Variants in KHDRBS2 observed in about 807,000 individuals in gnomAD.
The protein encoded by KHDRBS2 is KH domain-containing, RNA-binding, signal transduction-associated protein 2.
In KHDRBS2, 26 loss-of-function variants were observed where a neutral mutation model predicts 44.3. The ratio of observed to expected loss-of-function variants is 0.59; its 90% CI spans 0.43 to 0.81. The LOEUF (loss-of-function observed/expected upper bound fraction) is 0.81, where lower values mean the gene tolerates loss of function less well. Among genes scored for constraint, KHDRBS2 ranks in the 40% least tolerant of loss-of-function variants. The pLI is 0.00. For missense variants in KHDRBS2, 476 were observed against 433.1 expected, an observed-to-expected ratio of 1.10 and a Z score of -0.88; for synonymous variants, 194 against 151.1, an observed-to-expected ratio of 1.28 and a Z score of -2.08.
intron 3 of KHDRBS2, among the ~76,000 whole-genome samples, chr6:62,047,237 C>G (rs1042449269): frequency 2.0e-5 from 3 of 151,848 alleles, no homozygotes; most frequent in Admixed American, 6.6e-5. Flanking sequence ...GTCATTTCTC[C>G]CAAACACTGA....
At chr6:62,022,313 C>A (rs1339029399) in intron 3 of KHDRBS2, among the ~76,000 whole-genome samples, 1 of 151,476 alleles carries the variant, frequency 6.6e-6, no homozygotes, top group Non-Finnish European at 1.5e-5. Context: ...AATGTTTAGC[C>A]AATTGCATTG....
chr6:61,612,601 T>A, the KHDRBS2 span, among the ~76,000 whole-genome samples: 1 of 152,212 alleles, frequency 6.6e-6, no homozygotes, highest in African/African-American at 2.4e-5. Context: ...TAAATGACAG[T>A]GGCATTATCT....
intron 6 of KHDRBS2, among the ~76,000 whole-genome samples, chr6:61,774,608 C>A (rs1781616926): frequency 6.6e-6 from 1 of 152,124 alleles, no homozygotes; most frequent in African/African-American, 2.4e-5. Flanking sequence ...AGTTGAATCT[C>A]TGAATAGACC....
At chr6:61,816,890 C>T (rs1933491721) in intron 6 of KHDRBS2, 4 of 452,862 alleles carry the variant, frequency 8.8e-6, no homozygotes, top group Non-Finnish European at 1.8e-5. Context: ...TACACTTTTA[C>T]AATTTATGCA....
At chr6:61,932,426 C>G (rs1049915102) in intron 4 of KHDRBS2, among the ~76,000 whole-genome samples, 1 of 152,116 alleles carries the variant, frequency 6.6e-6, no homozygotes. Context: ...TCTCTCTCTC[C>G]GCTAACCACT....
At chr6:61,648,026 G>C in the KHDRBS2 span, among the ~76,000 whole-genome samples, 1 of 151,786 alleles carries the variant, frequency 6.6e-6, no homozygotes, top group Non-Finnish European at 1.5e-5. Flanking sequence ...TAACAGCACT[G>C]ATATCACAAA....
chr6:61,851,942 C>G (rs750844662), intron 6 of KHDRBS2, among the ~76,000 whole-genome samples: 1 of 152,138 alleles, frequency 6.6e-6, no homozygotes, highest in Non-Finnish European at 1.5e-5. Flanking sequence ...GTAAACCAGG[C>G]TGGGTGCAGT....
chr6:61,881,221 G>A (rs1264998338), intron 6 of KHDRBS2, among the ~76,000 whole-genome samples: 1 of 151,868 alleles, frequency 6.6e-6, no homozygotes, highest in Non-Finnish European at 1.5e-5. Context: ...GTGCATTTGT[G>A]CCTTTTCTTC....
intron 6 of KHDRBS2, among the ~76,000 whole-genome samples, chr6:61,742,519 G>A (rs184318450): frequency 4.8e-4 from 73 of 151,778 alleles, no homozygotes; most frequent in Admixed American, 9.2e-4. Flanking sequence ...TCTATCTGTG[G>A]TATTGTTACA....
At chr6:62,263,967 A>G (rs1473307595) in intron 1 of KHDRBS2, among the ~76,000 whole-genome samples, 2 of 151,766 alleles carry the variant, frequency 1.3e-5, no homozygotes, top group African/African-American at 2.4e-5. Flanking sequence ...TAAAAGCTCT[A>G]GGGGAAGCTT....
chr6:62,058,882 T>A (rs1448402845), intron 2 of KHDRBS2, among the ~76,000 whole-genome samples: 1 of 151,810 alleles, frequency 6.6e-6, no homozygotes, highest in Non-Finnish European at 1.5e-5. Context: ...ATCAATATAT[T>A]ACCACAAATA....
At chr6:61,768,504 G>A (rs770999956) in intron 6 of KHDRBS2, among the ~76,000 whole-genome samples, 28 of 151,742 alleles carry the variant, frequency 1.8e-4, no homozygotes, top group Non-Finnish European at 3.5e-4. Context: ...TTGCATTTTT[G>A]TGGCTATTTT....
At chr6:61,605,749 T>C in the KHDRBS2 span, among the ~76,000 whole-genome samples, 1 of 152,126 alleles carries the variant, frequency 6.6e-6, no homozygotes, top group Non-Finnish European at 1.5e-5. Context: ...CCATACCATC[T>C]GCAAAAATTT....
intron 1 of KHDRBS2, among the ~76,000 whole-genome samples, chr6:62,206,235 G>A (rs918505822): frequency 1.3e-5 from 2 of 152,032 alleles, no homozygotes; most frequent in Non-Finnish European, 2.9e-5. Context: ...AGAGTTCATT[G>A]AGCAAGTCTA....
the KHDRBS2 span, among the ~76,000 whole-genome samples, chr6:61,629,032 T>C: frequency 6.6e-6 from 1 of 152,206 alleles, no homozygotes; most frequent in Non-Finnish European, 1.5e-5. Context: ...CTTAATATAT[T>C]CTAATCAACC....
intron 4 of KHDRBS2, among the ~76,000 whole-genome samples, chr6:61,965,303 G>T (rs1200981103): frequency 6.6e-6 from 1 of 152,034 alleles, no homozygotes; most frequent in Non-Finnish European, 1.5e-5. Flanking sequence ...AAAGAGGCAA[G>T]AGGACCCAGT....
chr6:62,213,253 G>C (rs1829394814), intron 1 of KHDRBS2, among the ~76,000 whole-genome samples: 2 of 151,992 alleles, frequency 1.3e-5, no homozygotes, highest in Non-Finnish European at 2.9e-5. Flanking sequence ...TTATTTGAGA[G>C]AGAAAACTCA....
the KHDRBS2 span, among the ~76,000 whole-genome samples, chr6:61,588,784 C>T: frequency 5.9e-5 from 9 of 151,872 alleles, no homozygotes; most frequent in South Asian, 2.1e-4. Context: ...AGGGCAAGAC[C>T]CTGTCTCAAA....
rs74503878 is a variant in KHDRBS2, at chr6:61,996,672, A to T, written c.337-18460T>A. Among the ~76,000 whole-genome samples, 33 of 152,294 alleles carry T rather than the reference A, an allele frequency of 2.2e-4. No individual in the cohort carries two copies. The East Asian group carries it at 5.6e-3, about 26-fold the overall frequency. On this transcript the variant is annotated intron_variant, in intron 3 of 8. Coordinates refer to ENST00000281156, the MANE Select transcript of KHDRBS2 (RefSeq NM_152688.4). ...TCTAAATTGAATTAAGCCCAATTGA[A>T]CTTTTTACTTTAACCTATTGCTCTT...
Sources: allele counts gnomAD v4.1 joint callset (sites outside exome capture counted in the v4.1 genomes callset), GRCh38; gene constraint gnomAD v4.1.1; transcripts MANE v1.5; gene names NCBI Gene and HGNC (gene_info 2026-07-23, HGNC 2026-07-21).